CRACDL: variants seen among roughly 807,000 people sequenced by gnomAD.
CRACDL encodes the protein CRACD-like protein.
In CRACDL, 26 loss-of-function variants were observed where a neutral mutation model predicts 70.6. The observed-to-expected ratio is 0.37, with a 90% CI of 0.27 to 0.51. The LOEUF is 0.51. Ranked by LOEUF, CRACDL falls within the 20% of genes least tolerant of loss-of-function variation. The probability of loss-of-function intolerance (pLI) is 0.94; values close to 1 mark genes in which losing one functional copy is unlikely to be tolerated. For missense variants in CRACDL, 1,283 were observed against 1,376.9 expected (o/e 0.93, Z 1.08); for synonymous variants, 618 against 615.2 (o/e 1.00, Z -0.07).
chr2:98,913,194 G>A (rs1708584124), intron 1 of CRACDL, among the ~76,000 whole-genome samples: 1 of 152,200 alleles, frequency 6.6e-6, no homozygotes. Flanking sequence ...GAGTATGCCA[G>A]AACCTAAGGT....
At chr2:98,903,025 C>T (rs1270261024) in intron 1 of CRACDL, among the ~76,000 whole-genome samples, 1 of 152,194 alleles carries the variant, frequency 6.6e-6, no homozygotes, top group East Asian at 1.9e-4. Context: ...CTAGCACACT[C>T]TCCCAACTGC....
intron 2 of CRACDL, among the ~76,000 whole-genome samples, chr2:98,842,726 T>TA (rs1706084366): frequency 6.6e-6 from 1 of 152,216 alleles, no homozygotes; most frequent in South Asian, 2.1e-4. Context: ...ACTCATGTTA[T>TA]ACCAGATCAA....
intron 1 of CRACDL, among the ~76,000 whole-genome samples, chr2:98,853,554 A>G (rs1048243506): frequency 3.3e-5 from 5 of 152,240 alleles, no homozygotes; most frequent in Non-Finnish European, 5.9e-5. Flanking sequence ...AAAGAAAATT[A>G]TACCAGATTG....
intron 1 of CRACDL, among the ~76,000 whole-genome samples, chr2:98,902,335 C>T (rs1472300428): frequency 6.6e-6 from 1 of 152,236 alleles, no homozygotes; most frequent in South Asian, 2.1e-4. Context: ...GTCAGGCCTC[C>T]GGAGAAGGCC....
chr2:98,812,070 G>A (rs546242801), intron 7 of CRACDL, among the ~76,000 whole-genome samples: 3 of 152,332 alleles, frequency 2.0e-5, no homozygotes, highest in Non-Finnish European at 4.4e-5. Flanking sequence ...CCACCTCCTG[G>A]GTTCAAGCGA....
intron 1 of CRACDL, among the ~76,000 whole-genome samples, chr2:98,926,064 C>G (rs1306252495): frequency 2.0e-5 from 3 of 152,048 alleles, no homozygotes; most frequent in African/African-American, 7.2e-5. Context: ...GAAAGAAAAA[C>G]CGCTGTAGCT....
intron 2 of CRACDL, among the ~76,000 whole-genome samples, chr2:98,840,089 A>C (rs999823260): frequency 6.6e-6 from 1 of 152,132 alleles, no homozygotes; most frequent in Non-Finnish European, 1.5e-5. Flanking sequence ...CTTGAGATAA[A>C]CATTTGGTTT....
Position 98,820,200 on chromosome 2 carries a change from A to C in CRACDL, c.2416+1657T>G, listed in dbSNP as rs532271185. 6.6e-5 allele frequency among the ~76,000 whole-genome samples: 10 copies of C among 152,104 alleles called. No homozygotes were observed. The East Asian group carries it at 1.9e-3, about 30-fold the overall frequency. On this transcript the variant is annotated intron_variant, in intron 7 of 9. Coordinates refer to ENST00000397899, the MANE Select transcript of CRACDL (RefSeq NM_207362.3). ...ACATGCACACACAACTTATTTGTGT[A>C]GTTTCATTTTCTGGTTCACAGATTT...
At chr2:98,891,428 G>A (rs1417848445) in intron 1 of CRACDL, among the ~76,000 whole-genome samples, 1 of 146,766 alleles carries the variant, frequency 6.8e-6, no homozygotes, top group Admixed American at 7.0e-5. Flanking sequence ...AGCTTTTTGG[G>A]TTTCAGAATT....
chr2:98,818,246 A>G (rs1054915487), intron 7 of CRACDL, among the ~76,000 whole-genome samples: 1 of 152,184 alleles, frequency 6.6e-6, no homozygotes, highest in African/African-American at 2.4e-5. Context: ...GACACATACT[A>G]AGCTTGCAGT....
intron 7 of CRACDL, among the ~76,000 whole-genome samples, chr2:98,797,929 A>C (rs1703899223): frequency 6.6e-6 from 1 of 152,166 alleles, no homozygotes; most frequent in Non-Finnish European, 1.5e-5. Flanking sequence ...ACACACTATT[A>C]ATCTCTTGTC....
chr2:98,858,332 T>C (rs1213803852), intron 1 of CRACDL, among the ~76,000 whole-genome samples: 3 of 151,910 alleles, frequency 2.0e-5, no homozygotes, highest in Admixed American at 1.3e-4. Context: ...CTGGCCAACA[T>C]GGTGAAACCC....
intron 2 of CRACDL, among the ~76,000 whole-genome samples, chr2:98,844,633 A>G: frequency 6.6e-6 from 1 of 152,234 alleles, no homozygotes; most frequent in Non-Finnish European, 1.5e-5. Flanking sequence ...ACATTTGGAG[A>G]TACTGGAGAC....
intron 1 of CRACDL, among the ~76,000 whole-genome samples, chr2:98,910,782 G>C (rs1009244602): frequency 1.3e-5 from 2 of 152,202 alleles, no homozygotes; most frequent in Admixed American, 1.3e-4. Context: ...CCTCGGCCAG[G>C]GTTTGCCCTG....
intron 1 of CRACDL, chr2:98,897,394 C>T (rs1159091480): frequency 1.1e-5 from 14 of 1,303,672 alleles, no homozygotes; most frequent in South Asian, 1.2e-5. Context: ...CTTGCACGGA[C>T]GCCAAAGAAA....
chr2:98,837,071 C>CGA (rs1705820108), intron 3 of CRACDL, among the ~76,000 whole-genome samples: 1 of 138,218 alleles, frequency 7.2e-6, no homozygotes, highest in South Asian at 2.4e-4. Context: ...GGCGACAGAG[C>CGA]GAGACTCCGT....
chr2:98,869,125 T>G, intron 1 of CRACDL: 1 of 1,304,278 alleles, frequency 7.7e-7, no homozygotes, highest in Non-Finnish European at 1.0e-6. Context: ...TCCTCCTGAG[T>G]GTGCTGTGAG....
chr2:98,813,182 G>A (rs915772556), intron 7 of CRACDL, among the ~76,000 whole-genome samples: 4 of 152,144 alleles, frequency 2.6e-5, no homozygotes, highest in Non-Finnish European at 2.9e-5. Flanking sequence ...TGTAATCCCA[G>A]CACTTTGGGA....
intron 5 of CRACDL, among the ~76,000 whole-genome samples, chr2:98,829,275 G>C (rs1705440865): frequency 6.6e-6 from 1 of 152,252 alleles, no homozygotes; most frequent in African/African-American, 2.4e-5. Flanking sequence ...CCCTGGTTAG[G>C]GGACCTTGGC....
Sources: gnomAD v4.1 joint callset for allele counts (sites outside exome capture counted in the v4.1 genomes callset) on GRCh38, gnomAD v4.1.1 for gene constraint, MANE v1.5 for transcripts, NCBI Gene and HGNC (gene_info 2026-07-23, HGNC 2026-07-21) for gene names.